Variants in EML1 observed in about 807,000 individuals in gnomAD.
The protein encoded by EML1 is EMAP like 1, also known as echinoderm microtubule-associated protein-like 1.
A neutral mutation model predicts 110.4 loss-of-function variants in EML1; 27 were observed. The observed-to-expected ratio is 0.24, with a 90% CI of 0.18 to 0.34. The LOEUF is 0.34. Among genes scored for constraint, EML1 ranks in the 10% least tolerant of loss-of-function variants. EML1 has a pLI of 1.00. For synonymous variants in EML1, 344 were observed against 385.8 expected, an observed-to-expected ratio of 0.89 and a Z score of 1.27; for missense variants, 741 against 1,030.9, an observed-to-expected ratio of 0.72 and a Z score of 3.85.
At chr14:99,894,150 G>A (rs1191099) in intron 5 of EML1, among the ~76,000 whole-genome samples, 151,453 of 152,306 alleles carry the variant, frequency 0.99, 75,306 homozygotes, top group East Asian at 1. Context: ...GAATTGTTCA[G>A]TTAAAAGATA....
At position 99,814,993 on chromosome 14, in the gene EML1, G is replaced by A. The variant is rs545819592; in HGVS notation, c.67+21450G>A. Among the ~76,000 whole-genome samples, 41 of 152,280 alleles carry A rather than the reference G, an allele frequency of 2.7e-4. No homozygotes were observed. In the East Asian group the frequency reaches 7.1e-3, roughly 27 times the overall value. On this transcript the variant is annotated intron_variant, in intron 1 of 21. Transcript: ENST00000262233. ...TACTCAGGGTCACACAGCTAGGGAG[G>A]GGCAGAGCCAGTATTCAGCCTGGTT...
At chr14:99,894,131 C>T (rs980010049) in intron 5 of EML1, among the ~76,000 whole-genome samples, 2 of 152,064 alleles carry the variant, frequency 1.3e-5, no homozygotes, top group African/African-American at 2.4e-5. Context: ...GTGTTCTTTA[C>T]ACTTGAAAGA....
intron 1 of EML1, among the ~76,000 whole-genome samples, chr14:99,819,237 G>A (rs1156415715): frequency 6.6e-6 from 1 of 152,132 alleles, no homozygotes; most frequent in East Asian, 1.9e-4. Flanking sequence ...CTACAGGCAT[G>A]AGCCACTGCG....
upstream of EML1, among the ~76,000 whole-genome samples, chr14:99,770,300 GTCT>G (rs774890927): frequency 2.6e-5 from 4 of 152,258 alleles, no homozygotes; most frequent in East Asian, 1.9e-4. Context: ...ACAGACAATT[GTCT>G]TCTTCTTGTA....
In EML1 at chr14:99,743,636, G is replaced by A. The variant is rs80183032; in HGVS notation, c.28+5776G>A. On this transcript the variant is annotated intron_variant, in intron 1 of 10. Coordinates refer to the EML1 transcript ENST00000554479. ...AAGTCCCGACATCAGGCAGGGCCCCGGTACCTTCTCAGCCCTGCACTCACT... is the reference window on the plus strand; with the variant it reads ...AAGTCCCGACATCAGGCAGGGCCCCAGTACCTTCTCAGCCCTGCACTCACT... Among the ~76,000 whole-genome samples the A allele has an allele frequency of 5.6e-3, 853 of 152,278 alleles. 16 individuals carry two copies. Among genetic ancestry groups the A allele is most frequent in the Admixed American group, 0.035 (531 of 15,294 alleles).
intron 1 of EML1, among the ~76,000 whole-genome samples, chr14:99,850,544 A>G (rs1189761487): frequency 6.6e-6 from 1 of 152,122 alleles, no homozygotes; most frequent in Non-Finnish European, 1.5e-5. Flanking sequence ...CATCCCTTCC[A>G]CTGCTAAGGT....
At chr14:99,778,401 A>T (rs985705578) in intron 1 of EML1, among the ~76,000 whole-genome samples, 1 of 151,616 alleles carries the variant, frequency 6.6e-6, no homozygotes, top group African/African-American at 2.4e-5. Context: ...ATCCCCAACT[A>T]TTCTGCCTTA....
At chr14:99,854,657 A>G (rs2058871374) in intron 2 of EML1, among the ~76,000 whole-genome samples, 1 of 152,168 alleles carries the variant, frequency 6.6e-6, no homozygotes, top group Non-Finnish European at 1.5e-5. Flanking sequence ...AGAACCGGCT[A>G]CCATATCACA....
chr14:99,753,034 T>A (rs115007782), intron 1 of EML1, among the ~76,000 whole-genome samples: 1 of 152,012 alleles, frequency 6.6e-6, no homozygotes, highest in African/African-American at 2.4e-5. Flanking sequence ...TGGCTGCACC[T>A]GGCCCAGCCT....
chr14:99,738,131 A>T (rs1441091737), intron 1 of EML1, among the ~76,000 whole-genome samples: 2 of 152,326 alleles, frequency 1.3e-5, no homozygotes, highest in East Asian at 3.9e-4. Flanking sequence ...CCGGGGCCAG[A>T]GCTGACCCAG....
intron 6 of EML1, among the ~76,000 whole-genome samples, chr14:99,895,636 G>A (rs2059659604): frequency 6.6e-6 from 1 of 152,096 alleles, no homozygotes. Flanking sequence ...CCAGCCTTAG[G>A]AGCCAAACTT....
At chr14:99,934,677 C>A (rs570585979) in intron 17 of EML1, among the ~76,000 whole-genome samples, 1 of 152,218 alleles carries the variant, frequency 6.6e-6, no homozygotes, top group African/African-American at 2.4e-5. Flanking sequence ...GCAGAGAGAC[C>A]CCTGCTACCC....
intron 8 of EML1, among the ~76,000 whole-genome samples, chr14:99,898,996 G>T (rs1334171796): frequency 3.3e-5 from 5 of 152,076 alleles, no homozygotes; most frequent in Non-Finnish European, 5.9e-5. Flanking sequence ...TGTGAATGTC[G>T]TTTAACAGTC....
intron 4 of EML1, 76 bp downstream of exon 4, chr14:99,878,695 A>G: frequency 6.6e-7 from 1 of 1,522,162 alleles, no homozygotes; most frequent in Admixed American, 2.1e-5. Flanking sequence ...GAGTCAGAAG[A>G]TCCCCTCATA....
intron 1 of EML1, among the ~76,000 whole-genome samples, chr14:99,804,596 G>A (rs536972975): frequency 1.3e-5 from 2 of 152,250 alleles, no homozygotes; most frequent in Admixed American, 1.3e-4. Flanking sequence ...AGTTATGCTC[G>A]ATGAGTGAAT....
rs767034070 is a variant in EML1 at position 99,850,954 on chromosome 14, T to G, written c.169T>G (p.Ser57Ala). ...AGAAGACGACATCCAGCTGCTCAAA[T>G]CAGCTCTAGCTGATGTGGTTCGGCG... ...MQEDDIQLLK[S>A]ALADVVRRLN... The change falls in exon 2 of 22, where the codon TCA becomes GCA. Residue 57 changes from serine to alanine, a missense_variant. Physicochemically the swap from Ser to Ala is moderately conservative, Grantham distance 99 (BLOSUM62 1). Transcript: ENST00000262233. 3 of 1,614,196 alleles carry G rather than the reference T, an allele frequency of 1.9e-6. No individual in the cohort carries two copies. The highest frequency in any genetic ancestry group is 1.6e-4 in the Middle Eastern group (1 of 6,062).
At chr14:99,741,836 C>A (rs1450091695) in intron 1 of EML1, among the ~76,000 whole-genome samples, 1 of 152,296 alleles carries the variant, frequency 6.6e-6, no homozygotes, top group Middle Eastern at 3.4e-3. Context: ...GATTTCAGGG[C>A]AGACAAGTGC....
intron 1 of EML1, among the ~76,000 whole-genome samples, chr14:99,797,675 G>T (rs1228989421): frequency 2.6e-5 from 4 of 152,228 alleles, no homozygotes; most frequent in Admixed American, 2.6e-4. Flanking sequence ...TGGATCCTTT[G>T]ATCAATCACA....
At chr14:99,881,819 T>C (rs1381946063) in intron 4 of EML1, among the ~76,000 whole-genome samples, 3 of 152,172 alleles carry the variant, frequency 2.0e-5, no homozygotes, top group Non-Finnish European at 4.4e-5. Flanking sequence ...CAGGATGGTC[T>C]CGATCTCTTG....
Sources: allele counts gnomAD v4.1 joint callset (sites outside exome capture counted in the v4.1 genomes callset), GRCh38; gene constraint gnomAD v4.1.1; transcripts MANE v1.5; gene names NCBI Gene and HGNC (gene_info 2026-07-23, HGNC 2026-07-21).